Variants in IGF2BP3 observed in about 807,000 individuals in gnomAD.
IGF2BP3 encodes insulin-like growth factor 2 mRNA-binding protein 3.
Under a neutral mutation model 73.8 loss-of-function variants are expected in IGF2BP3, and 9 were observed. The ratio of observed to expected loss-of-function variants is 0.12; its 90% CI spans 0.07 to 0.21. The LOEUF (loss-of-function observed/expected upper bound fraction) is 0.21. Among genes scored for constraint, IGF2BP3 ranks in the 10% least tolerant of loss-of-function variants. IGF2BP3 has a pLI of 1.00. For missense variants in IGF2BP3, 542 were observed against 714.0 expected (o/e 0.76, Z 2.75); for synonymous variants, 258 against 256.7 (o/e 1.01, Z -0.05).
At position 23,383,819 on chromosome 7, in the gene IGF2BP3, G is replaced by A. The variant is rs556881621; in HGVS notation, c.286-22078C>T. 5.5e-4 allele frequency among the ~76,000 whole-genome samples: 83 copies of A among 152,014 alleles called. 1 individual carries two copies. Among genetic ancestry groups the A allele is most frequent in the Non-Finnish European group, 9.4e-4 (64 of 67,998 alleles). On this transcript the variant is annotated intron_variant, in intron 3 of 14. Coordinates refer to ENST00000258729, the MANE Select transcript of IGF2BP3 (RefSeq NM_006547.3). ...AATAAAAAGAGTGAAGTCTGGAGCCGGGCGCGGTGGCTCACACCTGTAATT... is the reference window on the plus strand; with the variant it reads ...AATAAAAAGAGTGAAGTCTGGAGCCAGGCGCGGTGGCTCACACCTGTAATT...
chr7:23,468,143 C>T (rs1042339607), intron 2 of IGF2BP3, among the ~76,000 whole-genome samples: 10 of 152,198 alleles, frequency 6.6e-5, no homozygotes, highest in African/African-American at 2.4e-4. Context: ...TCCGCTGCTT[C>T]CCAAGCCCTG....
chr7:23,404,518 C>T (rs1257091537), intron 3 of IGF2BP3, among the ~76,000 whole-genome samples: 1 of 152,126 alleles, frequency 6.6e-6, no homozygotes, highest in African/African-American at 2.4e-5. Context: ...AAGCATCATA[C>T]ACCCTCAATT....
At chr7:23,395,888 T>C (rs1384491081) in intron 3 of IGF2BP3, among the ~76,000 whole-genome samples, 1 of 152,050 alleles carries the variant, frequency 6.6e-6, no homozygotes, top group African/African-American at 2.4e-5. Flanking sequence ...ATCACATCAC[T>C]GCACTCCAGC....
At chr7:23,437,406 C>T (rs573094953) in intron 2 of IGF2BP3, among the ~76,000 whole-genome samples, 4 of 152,022 alleles carry the variant, frequency 2.6e-5, no homozygotes, top group Non-Finnish European at 5.9e-5. Context: ...TCGCTTAAAC[C>T]CAGGAGGCGG....
intron 3 of IGF2BP3, among the ~76,000 whole-genome samples, chr7:23,378,468 C>A (rs1654392624): frequency 7.1e-6 from 1 of 141,650 alleles, no homozygotes; most frequent in Non-Finnish European, 1.5e-5. Flanking sequence ...TCTTGGCTCA[C>A]TGTAACCTCT....
At chr7:23,455,268 C>T (rs1209672273) in intron 2 of IGF2BP3, among the ~76,000 whole-genome samples, 1 of 152,208 alleles carries the variant, frequency 6.6e-6, no homozygotes, top group Non-Finnish European at 1.5e-5. Flanking sequence ...GCCTCAATCA[C>T]CATCCTGCCT....
intron 10 of IGF2BP3, among the ~76,000 whole-genome samples, chr7:23,334,544 C>T (rs919715791): frequency 5.3e-5 from 8 of 152,212 alleles, no homozygotes; most frequent in Non-Finnish European, 1.0e-4. Context: ...TCTTGTTACA[C>T]ATTCCTTCCA....
intron 3 of IGF2BP3, among the ~76,000 whole-genome samples, chr7:23,366,640 G>A (rs533462056): frequency 2.0e-4 from 30 of 151,564 alleles, no homozygotes; most frequent in African/African-American, 7.0e-4. Context: ...GTACCTAGCT[G>A]TGGAAAAAAT....
At chr7:23,349,651 A>G (rs369017304) in intron 6 of IGF2BP3, among the ~76,000 whole-genome samples, 1 of 152,230 alleles carries the variant, frequency 6.6e-6, no homozygotes, top group Non-Finnish European at 1.5e-5. Flanking sequence ...GGTTCTGATA[A>G]TGACTAATTT....
intron 5 of IGF2BP3, among the ~76,000 whole-genome samples, chr7:23,355,271 G>A (rs117219133): frequency 0.063 from 9,520 of 150,458 alleles, 427 homozygotes; most frequent in Middle Eastern, 0.099. Flanking sequence ...GCCCAGGCTG[G>A]AGCGCAATGA....
chr7:23,444,403 T>G (rs1472792305), intron 2 of IGF2BP3, among the ~76,000 whole-genome samples: 3 of 152,168 alleles, frequency 2.0e-5, no homozygotes, highest in African/African-American at 7.2e-5. Context: ...AACATATCAC[T>G]TTACTGCAAT....
intron 10 of IGF2BP3, among the ~76,000 whole-genome samples, chr7:23,328,046 C>T (rs1784351010): frequency 6.6e-6 from 1 of 152,128 alleles, no homozygotes; most frequent in Non-Finnish European, 1.5e-5. Flanking sequence ...CTGAGAGTCT[C>T]TTTGTCTCTC....
rs1002757063 is a variant in IGF2BP3 at position 23,371,745 on chromosome 7, T to C, written c.286-10004A>G. On this transcript the variant is annotated intron_variant, in intron 3 of 14. Coordinates refer to ENST00000258729, the MANE Select transcript of IGF2BP3 (RefSeq NM_006547.3). Reference sequence around the variant, plus strand: ...CCATCATACCACACGGAGCAAAGCGTCCCAACTTTCTAGCCACTTTCAATG... The same window carrying C: ...CCATCATACCACACGGAGCAAAGCGCCCCAACTTTCTAGCCACTTTCAATG... Among the ~76,000 whole-genome samples, 14 of 152,288 alleles carry C rather than the reference T, an allele frequency of 9.2e-5. No individual in the cohort carries two copies. In the East Asian group the frequency reaches 2.7e-3, roughly 29 times the overall value.
intron 3 of IGF2BP3, among the ~76,000 whole-genome samples, chr7:23,374,275 A>C (rs377206812): frequency 2.6e-5 from 4 of 152,216 alleles, no homozygotes; most frequent in African/African-American, 7.2e-5. Context: ...TGGTACATAT[A>C]AACAGTCATC....
chr7:23,374,972 C>T lies in IGF2BP3; in HGVS notation c.286-13231G>A, dbSNP rs1031762963. On this transcript the variant is annotated intron_variant, in intron 3 of 14. Transcript: ENST00000258729. ...CCCCCGTTCAGGGTCCCTGACTTCC[C>T]GCAACAATTTTATATTATGTGAATT... Among the ~76,000 whole-genome samples, 8 of 152,134 alleles carry T rather than the reference C, an allele frequency of 5.3e-5. No individual in the cohort carries two copies. The East Asian group carries it at 5.8e-4, about 11-fold the overall frequency.
At chr7:23,462,078 C>T (rs1584071232) in intron 2 of IGF2BP3, among the ~76,000 whole-genome samples, 1 of 152,236 alleles carries the variant, frequency 6.6e-6, no homozygotes. Flanking sequence ...CGGCCAGTTA[C>T]ATCAGCAAAG....
rs575326042 is a variant in IGF2BP3 at position 23,315,579 on chromosome 7, G to A, written c.1396-1926C>T. ...CACAAAAAACAATAGTACCCAACAC[G>A]CGTTCACTGATTCAGAAAGCTGAGC... On this transcript the variant is annotated intron_variant, in intron 12 of 14. Transcript: ENST00000258729. 8.5e-5 allele frequency among the ~76,000 whole-genome samples: 13 copies of A among 152,212 alleles called. No individual in the cohort carries two copies. The South Asian group carries it at 2.7e-3, about 32-fold the overall frequency.
chr7:23,448,987 A>C (rs1482031534), intron 2 of IGF2BP3, among the ~76,000 whole-genome samples: 1 of 152,096 alleles, frequency 6.6e-6, no homozygotes, highest in Non-Finnish European at 1.5e-5. Flanking sequence ...GCAGTTTCCC[A>C]AAGCGCTGGG....
At chr7:23,402,467 A>AT (rs1419367883) in intron 3 of IGF2BP3, 1 of 152,214 alleles carries the variant, frequency 6.6e-6, no homozygotes, top group African/African-American at 2.4e-5. Context: ...ATAGAAAGTG[A>AT]TACTTATGCA....
Sources: allele counts gnomAD v4.1 joint callset (sites outside exome capture counted in the v4.1 genomes callset), GRCh38; gene constraint gnomAD v4.1.1; transcripts MANE v1.5; gene names NCBI Gene and HGNC (gene_info 2026-07-23, HGNC 2026-07-21).